TRAPPC12: variants seen among roughly 807,000 people sequenced by gnomAD.
The protein encoded by TRAPPC12 is TPR repeat protein 15.
Under a neutral mutation model 69.2 loss-of-function variants are expected in TRAPPC12, and 61 were observed. The observed-to-expected ratio is 0.88, with a 90% CI of 0.72 to 1.09. The LOEUF is 1.09. TRAPPC12 is among the 50% of genes least tolerant of loss of function. The pLI, the probability that TRAPPC12 is intolerant of heterozygous loss-of-function variation, is 0.00. For synonymous variants in TRAPPC12, 469 were observed against 438.9 expected, an observed-to-expected ratio of 1.07 and a Z score of -0.86; for missense variants, 1,101 against 1,016.4, an observed-to-expected ratio of 1.08 and a Z score of -1.13.
intron 4 of TRAPPC12, among the ~76,000 whole-genome samples, chr2:3,422,290 G>T (rs1662853997): frequency 6.6e-6 from 1 of 152,156 alleles, no homozygotes; most frequent in Non-Finnish European, 1.5e-5. Flanking sequence ...GTAGCAACTG[G>T]CCTGTGCGGG....
intron 5 of TRAPPC12, among the ~76,000 whole-genome samples, chr2:3,430,312 A>C (rs1245719323): frequency 1.3e-5 from 2 of 152,178 alleles, no homozygotes; most frequent in African/African-American, 2.4e-5. Context: ...TGACCATGCT[A>C]ATTTCCACTC....
chr2:3,399,936 C>A (rs1156961306), intron 2 of TRAPPC12, among the ~76,000 whole-genome samples: 1 of 152,112 alleles, frequency 6.6e-6, no homozygotes, highest in South Asian at 2.1e-4. Flanking sequence ...TGCGTGCTCC[C>A]AGTGGCCCGC....
At chr2:3,452,134 G>C (rs1413747530) in intron 6 of TRAPPC12, among the ~76,000 whole-genome samples, 3 of 152,144 alleles carry the variant, frequency 2.0e-5, no homozygotes. Context: ...GGCTCAGCTG[G>C]GGCTGGAGAA....
chr2:3,462,224 A>C (rs1007181886), intron 8 of TRAPPC12, among the ~76,000 whole-genome samples: 9 of 152,214 alleles, frequency 5.9e-5, no homozygotes, highest in South Asian at 2.1e-4. Flanking sequence ...TGTGGTAGTA[A>C]CACCACCACC....
At chr2:3,410,208 T>C (rs13403838) in intron 3 of TRAPPC12, among the ~76,000 whole-genome samples, 1,812 of 152,330 alleles carry the variant, frequency 0.012, 27 homozygotes, top group African/African-American at 0.042. Flanking sequence ...GCACACTTAA[T>C]CAATAGCAGC....
At chr2:3,398,511 C>T (rs369876839) in intron 2 of TRAPPC12, among the ~76,000 whole-genome samples, 9 of 152,346 alleles carry the variant, frequency 5.9e-5, no homozygotes, top group African/African-American at 2.2e-4. Flanking sequence ...GAAAGCTCAG[C>T]GTGTTCTGTG....
chr2:3,452,302 A>G (rs1440147501), intron 6 of TRAPPC12, among the ~76,000 whole-genome samples: 1 of 152,214 alleles, frequency 6.6e-6, no homozygotes, highest in Non-Finnish European at 1.5e-5. Flanking sequence ...GGAGGAAGCC[A>G]CAGTGCCTTG....
chr2:3,475,971 T>G (rs1666276922), intron 9 of TRAPPC12, among the ~76,000 whole-genome samples: 1 of 152,216 alleles, frequency 6.6e-6, no homozygotes, highest in Admixed American at 6.5e-5. Flanking sequence ...CACACGGTCC[T>G]GTTAGACAGG....
intron 6 of TRAPPC12, among the ~76,000 whole-genome samples, chr2:3,444,587 C>A (rs942872097): frequency 6.6e-6 from 1 of 152,164 alleles, no homozygotes; most frequent in African/African-American, 2.4e-5. Context: ...ATAAGGTATG[C>A]GGAAGTACTT....
intron 3 of TRAPPC12, among the ~76,000 whole-genome samples, chr2:3,415,973 C>T (rs547204217): frequency 1.3e-5 from 2 of 152,316 alleles, no homozygotes; most frequent in South Asian, 4.1e-4. Flanking sequence ...CCCTCAGCCT[C>T]CCAAAGTGCT....
At chr2:3,417,916 G>A (rs986968861) in intron 3 of TRAPPC12, among the ~76,000 whole-genome samples, 23 of 151,826 alleles carry the variant, frequency 1.5e-4, no homozygotes, top group African/African-American at 4.4e-4. Context: ...GGTGGCGGGC[G>A]CCTGTAGTCC....
At chr2:3,394,639 G>T (rs866815451) in intron 2 of TRAPPC12, among the ~76,000 whole-genome samples, 13 of 151,956 alleles carry the variant, frequency 8.6e-5, no homozygotes, top group Admixed American at 4.6e-4. Flanking sequence ...AAAAAAAAGG[G>T]GGGGGAGATC....
chr2:3,472,038 C>T (rs1486627339), intron 9 of TRAPPC12, among the ~76,000 whole-genome samples: 3 of 152,194 alleles, frequency 2.0e-5, no homozygotes, highest in Non-Finnish European at 4.4e-5. Context: ...AAGCCTCAGC[C>T]ACTGCAGGAG....
intron 5 of TRAPPC12, among the ~76,000 whole-genome samples, chr2:3,436,796 C>T (rs947957204): frequency 2.2e-5 from 3 of 133,920 alleles, no homozygotes; most frequent in African/African-American, 8.5e-5. Context: ...TACCCCATCA[C>T]CCCTGAATTA....
chr2:3,386,306 C>T (rs945207251), intron 1 of TRAPPC12, among the ~76,000 whole-genome samples: 14 of 152,160 alleles, frequency 9.2e-5, no homozygotes, highest in Admixed American at 4.6e-4. Context: ...TGAATTTGTT[C>T]ACTATGAGAG....
chr2:3,400,160 C>T (rs1204794148), intron 2 of TRAPPC12, among the ~76,000 whole-genome samples: 1 of 152,220 alleles, frequency 6.6e-6, no homozygotes, highest in Admixed American at 6.5e-5. Flanking sequence ...ATCCAGCCAG[C>T]TCCGGCTGCT....
intron 6 of TRAPPC12, among the ~76,000 whole-genome samples, chr2:3,448,584 G>A (rs543395285): frequency 7.2e-6 from 1 of 138,400 alleles, no homozygotes; most frequent in South Asian, 2.1e-4. Flanking sequence ...CCCGCAGGGC[G>A]TGGAGAGCAG....
intron 6 of TRAPPC12, among the ~76,000 whole-genome samples, chr2:3,446,781 C>A (rs1418126001): frequency 6.6e-6 from 1 of 152,234 alleles, no homozygotes; most frequent in Non-Finnish European, 1.5e-5. Context: ...GTACTGCACA[C>A]TGGCAGTTCG....
intron 2 of TRAPPC12, among the ~76,000 whole-genome samples, chr2:3,399,373 C>T (rs1227289138): frequency 2.0e-5 from 3 of 152,184 alleles, no homozygotes; most frequent in Non-Finnish European, 2.9e-5. Flanking sequence ...CTTTATGGGG[C>T]CCTGTGTCTG....
Sources: allele counts gnomAD v4.1 joint callset (sites outside exome capture counted in the v4.1 genomes callset), GRCh38; gene constraint gnomAD v4.1.1; transcripts MANE v1.5; gene names NCBI Gene and HGNC (gene_info 2026-07-23, HGNC 2026-07-21).